Variants in FREM2 observed in about 807,000 individuals in gnomAD.
The protein encoded by FREM2 is FRAS1 related extracellular matrix 2, also known as FRAS1-related extracellular matrix protein 2.
Under a neutral mutation model 219.9 loss-of-function variants are expected in FREM2, and 119 were observed. That is an observed-to-expected ratio of 0.54 (90% CI 0.47 to 0.63). FREM2 has a LOEUF of 0.63. Among genes scored for constraint, FREM2 ranks in the 30% least tolerant of loss-of-function variants. The pLI, the probability that FREM2 is intolerant of heterozygous loss-of-function variation, is 0.00. For missense variants in FREM2, 4,030 were observed against 3,993.6 expected (o/e 1.01, Z -0.25); for synonymous variants, 1,562 against 1,522.8 (o/e 1.03, Z -0.60).
At position 38,884,129 on chromosome 13, in the gene FREM2, C is replaced by T. The variant is rs374395880; in HGVS notation, c.*3342C>T. The T allele has an allele frequency of 6.6e-6, 1 of 152,226 alleles. No homozygotes were observed. The highest frequency in any genetic ancestry group is 1.5e-5 in the Non-Finnish European group (1 of 68,040). The allele number at this position is 152,226 out of a possible 1,614,324, so 9.4% of individuals were successfully genotyped here. On this transcript the variant is annotated 3_prime_UTR_variant, in exon 24 of 24. Transcript: ENST00000280481. ...TTTGAACAATTTGCATAAAGGTCAGCTAGCATCCTGCTGCCAAGCCACTGC... is the reference window on the plus strand; with the variant it reads ...TTTGAACAATTTGCATAAAGGTCAGTTAGCATCCTGCTGCCAAGCCACTGC...
Position 38,878,981 on chromosome 13 carries a change from G to A in FREM2, c.9006+4G>A, listed in dbSNP as rs1878450179. 1 of 1,614,112 alleles carries A rather than the reference G, an allele frequency of 6.2e-7. No homozygotes were observed. Among genetic ancestry groups the A allele is most frequent in the African/African-American group, 1.3e-5 (1 of 75,054 alleles). ...CGACTCAACACCACTCTTTCAGGTA[G>A]GCCAAAAACAAGCTCATTTGTAGTA... On this transcript the variant is annotated splice_donor_region_variant and intron_variant, in intron 23 of 23. Coordinates refer to ENST00000280481, the MANE Select transcript of FREM2 (RefSeq NM_207361.6).
intron 3 of FREM2, among the ~76,000 whole-genome samples, chr13:38,766,656 TG>T (rs369495093): frequency 3.3e-5 from 5 of 152,344 alleles, no homozygotes; most frequent in African/African-American, 1.2e-4. Flanking sequence ...TACTGAAATT[TG>T]TAGATGTATA....
intron 17 of FREM2, among the ~76,000 whole-genome samples, chr13:38,873,429 G>A (rs1000441482): frequency 2.0e-5 from 3 of 152,108 alleles, no homozygotes; most frequent in Admixed American, 1.3e-4. Flanking sequence ...ACCTTTCTGG[G>A]ACTTAACTTT....
At chr13:38,798,255 T>A (rs2137846930) in intron 6 of FREM2, among the ~76,000 whole-genome samples, 2 of 152,332 alleles carry the variant, frequency 1.3e-5, no homozygotes, top group South Asian at 4.1e-4. Flanking sequence ...TCTTTCATTC[T>A]GTTGATGTGA....
At chr13:38,730,850 T>G (rs930022853) in intron 2 of FREM2, among the ~76,000 whole-genome samples, 1 of 152,026 alleles carries the variant, frequency 6.6e-6, no homozygotes, top group Non-Finnish European at 1.5e-5. Flanking sequence ...TATTATTCTT[T>G]AAGTTTTTGA....
At chr13:38,839,847 G>T (rs9548479) in intron 6 of FREM2, among the ~76,000 whole-genome samples, 21,521 of 152,154 alleles carry the variant, frequency 0.14, 1,759 homozygotes, top group Admixed American at 0.24. Context: ...AGTCTGCTGT[G>T]CTGGCAGCAA....
chr13:38,850,839 T>C, intron 9 of FREM2, 105 bp from the exon 10 acceptor site: 6 of 1,271,240 alleles, frequency 4.7e-6, no homozygotes, highest in South Asian at 3.6e-5. Flanking sequence ...TTTATTGCAC[T>C]GATACAGCAG....
intron 6 of FREM2, among the ~76,000 whole-genome samples, chr13:38,837,905 CTT>C (rs1317357255): frequency 6.6e-6 from 1 of 152,070 alleles, no homozygotes; most frequent in Admixed American, 6.6e-5. Context: ...GGTCTTGACT[CTT>C]TATCCAATTT....
intron 6 of FREM2, among the ~76,000 whole-genome samples, chr13:38,836,037 G>A (rs915952082): frequency 6.6e-6 from 1 of 152,176 alleles, no homozygotes; most frequent in African/African-American, 2.4e-5. Flanking sequence ...CAAAGGGAAT[G>A]CTTCCAGCTT....
intron 2 of FREM2, among the ~76,000 whole-genome samples, chr13:38,735,450 C>T (rs1871952035): frequency 6.6e-6 from 1 of 152,104 alleles, no homozygotes; most frequent in South Asian, 2.1e-4. Flanking sequence ...TTATGGTTCT[C>T]TCTGATTATA....
chr13:38,745,069 G>A (rs2137785722), intron 2 of FREM2, among the ~76,000 whole-genome samples: 1 of 152,070 alleles, frequency 6.6e-6, no homozygotes, highest in Middle Eastern at 3.4e-3. Context: ...ATATTAATTA[G>A]GAAGAATGAT....
chr13:38,706,162 T>C (rs932184405), intron 2 of FREM2, among the ~76,000 whole-genome samples: 16 of 151,310 alleles, frequency 1.1e-4, no homozygotes, highest in African/African-American at 3.7e-4. Context: ...GTGTAAACTT[T>C]ATAGGCTTGA....
intron 2 of FREM2, among the ~76,000 whole-genome samples, chr13:38,762,687 A>C (rs1026385711): frequency 8.5e-5 from 13 of 152,080 alleles, no homozygotes. Context: ...GATCCACCTC[A>C]GCCTCCCAAA....
At chr13:38,844,269 C>T (rs1436009092) in intron 6 of FREM2, among the ~76,000 whole-genome samples, 1 of 152,046 alleles carries the variant, frequency 6.6e-6, no homozygotes, top group African/African-American at 2.4e-5. Context: ...GCCATGCCAC[C>T]CCCGCCTCTT....
chr13:38,824,852 C>A (rs1343923606), intron 6 of FREM2, among the ~76,000 whole-genome samples: 1 of 151,966 alleles, frequency 6.6e-6, no homozygotes, highest in Non-Finnish European at 1.5e-5. Context: ...GGTGGTCTCT[C>A]ATTAGCTTCA....
At chr13:38,835,290 C>T (rs560406049) in intron 6 of FREM2, among the ~76,000 whole-genome samples, 1 of 152,292 alleles carries the variant, frequency 6.6e-6, no homozygotes, top group South Asian at 2.1e-4. Context: ...GGCCTCTGTT[C>T]TGTTCCACTG....
At chr13:38,709,320 T>C (rs996594593) in intron 2 of FREM2, among the ~76,000 whole-genome samples, 1 of 152,208 alleles carries the variant, frequency 6.6e-6, no homozygotes, top group African/African-American at 2.4e-5. Context: ...CCATAACAAC[T>C]CATATTTGGA....
intron 2 of FREM2, among the ~76,000 whole-genome samples, chr13:38,698,191 A>T (rs954925805): frequency 2.0e-5 from 3 of 152,060 alleles, no homozygotes; most frequent in African/African-American, 7.2e-5. Flanking sequence ...CTTTTTCCTG[A>T]TTTGCTCATG....
chr13:38,830,741 A>G (rs1876474773), intron 6 of FREM2, among the ~76,000 whole-genome samples: 1 of 146,716 alleles, frequency 6.8e-6, no homozygotes, highest in African/African-American at 2.8e-5. Context: ...TTTCCTCTTC[A>G]ATGCTGCCAA....
Sources: gnomAD v4.1 joint callset for allele counts (sites outside exome capture counted in the v4.1 genomes callset) on GRCh38, gnomAD v4.1.1 for gene constraint, MANE v1.5 for transcripts, NCBI Gene and HGNC (gene_info 2026-07-23, HGNC 2026-07-21) for gene names.